Variants in SCFD2 observed in about 807,000 individuals in gnomAD.
The protein encoded by SCFD2 is sec1 family domain containing 2.
A neutral mutation model predicts 58.9 loss-of-function variants in SCFD2; 54 were observed. The observed-to-expected ratio is 0.92, with a 90% confidence interval of 0.74 to 1.15. The LOEUF (loss-of-function observed/expected upper bound fraction) is 1.15, where lower values mean the gene tolerates loss of function less well. SCFD2 is among the 50% of genes most tolerant of loss of function. The pLI, the probability that SCFD2 is intolerant of heterozygous loss-of-function variation, is 0.00. For synonymous variants in SCFD2, 321 were observed against 335.9 expected, an observed-to-expected ratio of 0.96 and a Z score of 0.49; for missense variants, 805 against 836.6, an observed-to-expected ratio of 0.96 and a Z score of 0.47.
intron 5 of SCFD2, among the ~76,000 whole-genome samples, chr4:53,014,498 T>G (rs1465619528): frequency 6.6e-6 from 1 of 152,224 alleles, no homozygotes; most frequent in Non-Finnish European, 1.5e-5. Flanking sequence ...TAGTTTTCCT[T>G]TGCAATACAC....
At chr4:52,892,390 A>G (rs1261268123) in intron 7 of SCFD2, among the ~76,000 whole-genome samples, 1 of 151,996 alleles carries the variant, frequency 6.6e-6, no homozygotes, top group African/African-American at 2.4e-5. Context: ...AACTTCATAA[A>G]ATGTAAACTG....
At chr4:52,999,082 G>A (rs533108684) in intron 5 of SCFD2, among the ~76,000 whole-genome samples, 1 of 152,292 alleles carries the variant, frequency 6.6e-6, no homozygotes, top group African/African-American at 2.4e-5. Context: ...GACTTTTAAA[G>A]AATTGAATGA....
chr4:52,937,252 A>AG (rs1720161873), intron 5 of SCFD2, among the ~76,000 whole-genome samples: 2 of 152,198 alleles, frequency 1.3e-5, no homozygotes, highest in Non-Finnish European at 2.9e-5. Flanking sequence ...TAGAAGAGCA[A>AG]GGGGGCCAAG....
At chr4:53,012,353 C>CTT (rs1242393279) in intron 5 of SCFD2, among the ~76,000 whole-genome samples, 3 of 116,600 alleles carry the variant, frequency 2.6e-5, no homozygotes, top group African/African-American at 9.0e-5. Context: ...CTCTCTCTCT[C>CTT]TTTCTCTCTC....
intron 4 of SCFD2, among the ~76,000 whole-genome samples, chr4:53,184,704 G>A (rs1355808783): frequency 1.3e-5 from 2 of 151,998 alleles, no homozygotes; most frequent in African/African-American, 4.8e-5. Flanking sequence ...TTGGCAATAG[G>A]GAACTCAACT....
intron 4 of SCFD2, among the ~76,000 whole-genome samples, chr4:53,225,062 T>C (rs905709743): frequency 1.3e-5 from 2 of 152,302 alleles, no homozygotes; most frequent in East Asian, 1.9e-4. Context: ...TCCTAATTTG[T>C]CATTATTATA....
chr4:53,015,217 C>T (rs1722183315), intron 5 of SCFD2, among the ~76,000 whole-genome samples: 1 of 152,140 alleles, frequency 6.6e-6, no homozygotes, highest in Non-Finnish European at 1.5e-5. Context: ...GTAATAAAGA[C>T]TAACCATATA....
At chr4:52,984,586 G>A (rs1349655279) in intron 5 of SCFD2, among the ~76,000 whole-genome samples, 1 of 152,204 alleles carries the variant, frequency 6.6e-6, no homozygotes, top group Non-Finnish European at 1.5e-5. Context: ...TGACCTAAGA[G>A]TGACCATTAT....
rs1321466871 is a variant in SCFD2, at chr4:52,873,977, C to G, written c.2047G>C (p.Gly683Arg). Reference protein sequence around the residue: ...FATDRLHPDLGF With the variant: ...FATDRLHPDLRF ...ATCTTCTTAGCGGATGCTCAGAAGC[C>G]AAGGTCTGGATGCAGTCGGTCAGTT... The change falls in exon 9 of 9, where the codon GGC becomes CGC. Residue 683 changes from glycine (G) to arginine (R), a missense_variant. Around this residue, in one of 3 missense-constraint regions of SCFD2, gnomAD observed 633 missense variants for 646.8 expected, o/e 0.98. Coordinates refer to ENST00000401642, the MANE Select transcript of SCFD2 (RefSeq NM_152540.4). 2.5e-6 allele frequency: 4 copies of G among 1,613,450 alleles called. No individual in the cohort carries two copies. In the Admixed American group the frequency reaches 5.0e-5, roughly 20 times the overall value.
chr4:53,351,347 C>G (rs1560461594), intron 2 of SCFD2, among the ~76,000 whole-genome samples: 1 of 152,132 alleles, frequency 6.6e-6, no homozygotes, highest in Admixed American at 6.5e-5. Context: ...TAAAGCAGTG[C>G]CACTTCCTCA....
In SCFD2 at chr4:53,273,888, A is replaced by G. The variant is rs753629870; in HGVS notation, c.1249T>C (p.Leu417=). ...CACTTGGCAGTCTGTGGGTGTTTCA[A>G]CGTTTGAGCTGTGGCCAGTCCAAGC... The part of the protein sequence containing the change: ...LQLGLATAQT[L]KHPQTAKWDN... The change falls in exon 4 of 9, where the codon TTG becomes CTG. Residue 417 remains leucine (L), a synonymous_variant. Transcript: ENST00000401642. 8.7e-6 allele frequency: 14 copies of G among 1,613,830 alleles called. No homozygotes were observed. The highest frequency in any genetic ancestry group is 4.5e-5 in the East Asian group (2 of 44,886).
At chr4:53,024,644 T>C (rs1256149925) in intron 5 of SCFD2, among the ~76,000 whole-genome samples, 3 of 152,156 alleles carry the variant, frequency 2.0e-5, no homozygotes, top group South Asian at 2.1e-4. Context: ...AATATTCCCA[T>C]GTTTTTTTCA....
At chr4:52,883,687 C>T (rs1398803151) in intron 8 of SCFD2, among the ~76,000 whole-genome samples, 3 of 152,126 alleles carry the variant, frequency 2.0e-5, no homozygotes, top group African/African-American at 4.8e-5. Context: ...TGGTTCACCA[C>T]GTTAGGGGCA....
rs552907933 is a variant in SCFD2 at position 52,926,487 on chromosome 4, G to C, written c.1562-5617C>G. ...GTGGCTTGATAAGCTGGGAGTAGGAGGGCGTAGCTAGAGTAGGATTTGAAA... is the reference window on the plus strand; with the variant it reads ...GTGGCTTGATAAGCTGGGAGTAGGACGGCGTAGCTAGAGTAGGATTTGAAA... On this transcript the variant is annotated intron_variant, in intron 5 of 8. Transcript: ENST00000401642. Among the ~76,000 whole-genome samples the C allele has an allele frequency of 1.7e-4, 26 of 152,236 alleles. No individual in the cohort carries two copies. In the South Asian group the frequency reaches 5.2e-3, roughly 30 times the overall value.
intron 2 of SCFD2, among the ~76,000 whole-genome samples, chr4:53,324,420 C>A (rs1271930817): frequency 0.012 from 1,082 of 93,230 alleles, no homozygotes; most frequent in Middle Eastern, 0.027. Context: ...CCTGTCTCTC[C>A]AAAAAAAAAA....
At chr4:52,925,339 C>CATATATATATATATACAT (rs1484900652) in intron 5 of SCFD2, among the ~76,000 whole-genome samples, 1 of 137,082 alleles carries the variant, frequency 7.3e-6, no homozygotes, top group Admixed American at 7.1e-5. Flanking sequence ...CTGCTAAAGC[C>CATATATATATATATACAT]ATATATATAT....
At position 53,338,575 on chromosome 4, in the gene SCFD2, C is replaced by CTTT. The variant is rs56263068; in HGVS notation, c.1007+14020_1007+14022dup. 2.2e-4 allele frequency among the ~76,000 whole-genome samples: 16 copies of CTTT among 72,314 alleles called. 5 individuals carry two copies. The highest frequency in any genetic ancestry group is 3.1e-4 in the African/African-American group (6 of 19,646). 47.4% of individuals were successfully genotyped at this position (72,314 alleles called of 152,430 possible). A position where few individuals can be genotyped will look rare whatever the true frequency, so the allele number is the denominator to read the frequency against. On this transcript the variant is annotated intron_variant, in intron 2 of 8. Coordinates refer to ENST00000401642, the MANE Select transcript of SCFD2 (RefSeq NM_152540.4). ...GGCCAAAAGAAAGCAGTATATTTTTCTTTTTTTTTTTTTTTTTTTTTGTGA... is the reference window on the plus strand; with the variant it reads ...GGCCAAAAGAAAGCAGTATATTTTTCTTTTTTTTTTTTTTTTTTTTTTTTGTGA...
chr4:53,250,612 A>G (rs893516316), intron 4 of SCFD2, among the ~76,000 whole-genome samples: 18 of 152,268 alleles, frequency 1.2e-4, no homozygotes, highest in African/African-American at 4.3e-4. Context: ...GCTCAACTAC[A>G]TGGAAACTGA....
At chr4:53,247,940 C>A (rs1280015264) in intron 4 of SCFD2, among the ~76,000 whole-genome samples, 1 of 149,436 alleles carries the variant, frequency 6.7e-6, no homozygotes, top group Non-Finnish European at 1.5e-5. Flanking sequence ...CGAATAGGAA[C>A]AGCTCCGGTC....
Sources: allele counts gnomAD v4.1 joint callset (sites outside exome capture counted in the v4.1 genomes callset), GRCh38; gene constraint gnomAD v4.1.1; regional missense constraint gnomAD v4.1.1; transcripts MANE v1.5; gene names NCBI Gene and HGNC (gene_info 2026-07-23, HGNC 2026-07-21).